The following GON4L variants were observed in gnomAD, a reference collection of about 807,000 sequenced individuals.
GON4L encodes the protein GON-4-like protein.
Under a neutral mutation model 211.8 loss-of-function variants are expected in GON4L, and 87 were observed. The observed-to-expected ratio is 0.41, with a 90% confidence interval of 0.35 to 0.49. The LOEUF (loss-of-function observed/expected upper bound fraction) is 0.49. Ranked by LOEUF, GON4L falls within the 20% of genes least tolerant of loss-of-function variation. The probability of loss-of-function intolerance (pLI) is 0.15; values close to 1 mark genes in which losing one functional copy is unlikely to be tolerated. For synonymous variants in GON4L, 875 were observed against 962.6 expected, an observed-to-expected ratio of 0.91 and a Z score of 1.68; for missense variants, 2,155 against 2,659.5, an observed-to-expected ratio of 0.81 and a Z score of 4.17.
At chr1:155,795,545 G>A (rs1430799597) in intron 11 of GON4L, among the ~76,000 whole-genome samples, 2 of 152,210 alleles carry the variant, frequency 1.3e-5, no homozygotes, top group African/African-American at 4.8e-5. Context: ...TACAGGTTGA[G>A]CATTCCAAAT....
chr1:155,850,423 G>C (rs1385382231), intron 2 of GON4L, among the ~76,000 whole-genome samples: 2 of 152,232 alleles, frequency 1.3e-5, no homozygotes, highest in African/African-American at 4.8e-5. Context: ...CTGTGAATGA[G>C]GCTGAAAATT....
intron 13 of GON4L, 171 bp downstream of exon 13, chr1:155,785,163 T>C: frequency 1.4e-6 from 1 of 715,290 alleles, no homozygotes. Context: ...ATCAAGAGTC[T>C]AGTAGTTAGC....
In GON4L at chr1:155,754,536, T is replaced by G. The variant is rs748915883; in HGVS notation, c.5518-48A>C. ...TAGCTGCCAAGTTGTTTTTTTTTTTTTTTTTTTTTTTGAGACAGAGTCTCG... is the reference window on the plus strand; with the variant it reads ...TAGCTGCCAAGTTGTTTTTTTTTTTGTTTTTTTTTTTGAGACAGAGTCTCG... On this transcript the variant is annotated intron_variant, in intron 27 of 31. Transcript: ENST00000368331. 17 of 1,185,968 alleles carry G rather than the reference T, an allele frequency of 1.4e-5. No individual in the cohort carries two copies. In the East Asian group the frequency reaches 2.8e-4, roughly 20 times the overall value. 73.5% of individuals were successfully genotyped at this position (1,185,968 alleles called of 1,614,324 possible).
intron 12 of GON4L, among the ~76,000 whole-genome samples, chr1:155,787,273 C>A (rs958860248): frequency 8.6e-5 from 13 of 151,854 alleles, no homozygotes; most frequent in African/African-American, 3.1e-4. Context: ...ATAATGTGAA[C>A]AAGACCTGAA....
At chr1:155,845,138 A>G (rs1458572844) in intron 2 of GON4L, among the ~76,000 whole-genome samples, 1 of 152,232 alleles carries the variant, frequency 6.6e-6, no homozygotes, top group Non-Finnish European at 1.5e-5. Context: ...GGAGAGAAGC[A>G]GGATTTGTTT....
chr1:155,760,679 T>C, intron 23 of GON4L, 38 bp from the exon 24 acceptor site: 3 of 1,401,084 alleles, frequency 2.1e-6, no homozygotes, highest in Non-Finnish European at 2.0e-6. Context: ...CACCCTTTAT[T>C]TGGGCCACAA....
At chr1:155,823,895 AC>A in intron 3 of GON4L, among the ~76,000 whole-genome samples, 2 of 151,912 alleles carry the variant, frequency 1.3e-5, no homozygotes, top group East Asian at 3.9e-4. Flanking sequence ...TCACACACAC[AC>A]ACAAAAAAAC....
At chr1:155,820,512 G>T in intron 6 of GON4L, 94 bp downstream of exon 6, 1 of 836,230 alleles carries the variant, frequency 1.2e-6, no homozygotes, top group Non-Finnish European at 2.1e-6. Context: ...GGCAAATTCA[G>T]ACCACAATCT....
intron 11 of GON4L, among the ~76,000 whole-genome samples, chr1:155,799,147 T>A (rs532697593): frequency 1.3e-5 from 2 of 152,170 alleles, no homozygotes; most frequent in African/African-American, 4.8e-5. Flanking sequence ...ACAAAAATAC[T>A]GAAGTTGCTG....
At chr1:155,810,742 G>A (rs2102153252) in intron 10 of GON4L, among the ~76,000 whole-genome samples, 1 of 151,960 alleles carries the variant, frequency 6.6e-6, no homozygotes, top group African/African-American at 2.4e-5. Context: ...GCTAAGGCCA[G>A]GCGCAGTGGC....
At chr1:155,756,880 G>A in intron 27 of GON4L, 78 bp downstream of exon 27, 1 of 1,093,744 alleles carries the variant, frequency 9.1e-7, no homozygotes, top group Non-Finnish European at 1.4e-6. Context: ...AGTGAGCCAA[G>A]ATTACGCCAC....
At chr1:155,803,050 T>C (rs1224621853) in intron 11 of GON4L, among the ~76,000 whole-genome samples, 1 of 152,204 alleles carries the variant, frequency 6.6e-6, no homozygotes, top group African/African-American at 2.4e-5. Context: ...CAAATGATTA[T>C]GCTCCTTTAT....
At chr1:155,775,604 G>C (rs571357267) in intron 16 of GON4L, among the ~76,000 whole-genome samples, 1 of 151,464 alleles carries the variant, frequency 6.6e-6, no homozygotes, top group African/African-American at 2.4e-5. Context: ...AATTACAGGC[G>C]CCCGCTACCA....
Position 155,765,685 on chromosome 1 carries a change from G to C in GON4L, c.3788C>G (p.Pro1263Arg). 2 of 1,614,132 alleles carry C rather than the reference G, an allele frequency of 1.2e-6. No individual in the cohort carries two copies. Among genetic ancestry groups the C allele is most frequent in the Non-Finnish European group, 1.7e-6 (2 of 1,180,032 alleles). The change falls in exon 21 of 32, where the codon CCG (proline) becomes CGG (arginine). Residue 1263 changes from proline (P) to arginine (R), a missense_variant. Pro to Arg is a moderately radical substitution (Grantham distance 103). Transcript: ENST00000368331. ...AGGCCCTGGGCTATGTTCCACTTTC[G>C]GGAAAACAGTAGCAGAGAGAGGAGA... is the stretch of plus-strand genomic sequence containing the variant. ...ELSPLSATVF[P>R]KVEHSPGPPL...
upstream of GON4L, chr1:155,857,394 C>T (rs1402707317): frequency 6.6e-6 from 1 of 152,268 alleles, no homozygotes; most frequent in Non-Finnish European, 1.5e-5. Flanking sequence ...ATGGAGTTAT[C>T]CTACTCAAAA....
upstream of GON4L, among the ~76,000 whole-genome samples, chr1:155,858,481 G>C (rs1446691477): frequency 6.6e-6 from 1 of 152,102 alleles, no homozygotes; most frequent in Non-Finnish European, 1.5e-5. Flanking sequence ...CAAATACCAA[G>C]GAAGACTCCA....
rs183571639 is a variant in GON4L at position 155,758,212 on chromosome 1, C to T, written c.5110-178G>A. Among the ~76,000 whole-genome samples the T allele has an allele frequency of 2.1e-3, 314 of 151,790 alleles. 1 individual carries two copies. The highest frequency in any genetic ancestry group is 6.8e-3 in the Middle Eastern group (2 of 294). On this transcript the variant is annotated intron_variant, in intron 24 of 31. Coordinates refer to ENST00000368331, the MANE Select transcript of GON4L (RefSeq NM_001282860.2). The stretch of plus-strand genomic sequence containing the variant: ...AACCCTAACCTCCATCCACCTTGGG[C>T]CACTGGTGGGTAGCCACCCAAAGCA...
At chr1:155,853,044 G>A (rs552003863) in intron 2 of GON4L, among the ~76,000 whole-genome samples, 1 of 152,174 alleles carries the variant, frequency 6.6e-6, no homozygotes, top group South Asian at 2.1e-4. Flanking sequence ...CCCAGGAGGT[G>A]GAGGCTGCAG....
chr1:155,816,041 G>A (rs1288763750), intron 7 of GON4L, 141 bp from the exon 8 acceptor site: 1 of 712,524 alleles, frequency 1.4e-6, no homozygotes, highest in African/African-American at 1.8e-5. Context: ...ACACGAGGCA[G>A]AGGTTAAAGT....
Sources: gnomAD v4.1 joint callset for allele counts (sites outside exome capture counted in the v4.1 genomes callset) on GRCh38, gnomAD v4.1.1 for gene constraint, MANE v1.5 for transcripts, NCBI Gene and HGNC (gene_info 2026-07-23, HGNC 2026-07-21) for gene names.